Variants in CSMD1 observed in about 807,000 individuals in gnomAD.
CSMD1 encodes the protein CUB and sushi domain-containing protein 1.
CSMD1 carries 213 observed loss-of-function variants against 417.5 expected under a neutral mutation model. The ratio of observed to expected loss-of-function variants is 0.51; its 90% CI spans 0.46 to 0.57. The LOEUF (loss-of-function observed/expected upper bound fraction) is 0.57. Ranked by LOEUF, CSMD1 falls within the 20% of genes least tolerant of loss-of-function variation. The probability of loss-of-function intolerance (pLI) is 0.00; values close to 1 mark genes in which losing one functional copy is unlikely to be tolerated. For synonymous variants in CSMD1, 2,862 were observed against 1,736.8 expected, an observed-to-expected ratio of 1.65 and a Z score of -16.11; for missense variants, 6,923 against 4,529.7, an observed-to-expected ratio of 1.53 and a Z score of -15.17.
At chr8:4,838,819 G>A (rs1800663667) in intron 1 of CSMD1, among the ~76,000 whole-genome samples, 1 of 152,120 alleles carries the variant, frequency 6.6e-6, no homozygotes, top group African/African-American at 2.4e-5. Context: ...CAAACCAAGT[G>A]CTTCCATGTG....
chr8:3,068,093 C>T (rs1327671064), intron 49 of CSMD1, among the ~76,000 whole-genome samples: 1 of 152,128 alleles, frequency 6.6e-6, no homozygotes, highest in Non-Finnish European at 1.5e-5. Context: ...CTGCATGTGT[C>T]ACTAATGCCT....
intron 7 of CSMD1, among the ~76,000 whole-genome samples, chr8:3,645,605 A>G (rs77338817): frequency 0.11 from 16,238 of 152,256 alleles, 1,162 homozygotes; most frequent in Non-Finnish European, 0.16. Flanking sequence ...AGCCTTCTGC[A>G]AGGGATCATG....
chr8:3,702,493 CAGA>C (rs761041681), intron 7 of CSMD1, among the ~76,000 whole-genome samples: 97 of 152,216 alleles, frequency 6.4e-4, no homozygotes, highest in Non-Finnish European at 9.9e-4. Flanking sequence ...GAAGAATGCT[CAGA>C]AGAAGAAGAA....
chr8:3,100,614 GC>G (rs1209878131), intron 46 of CSMD1, among the ~76,000 whole-genome samples: 8 of 152,058 alleles, frequency 5.3e-5, no homozygotes, highest in Non-Finnish European at 1.0e-4. Context: ...GTGAAAGCTT[GC>G]CTCTCTCAGA....
Position 4,276,497 on chromosome 8 carries a change from C to T in CSMD1, c.415+143456G>A, listed in dbSNP as rs112564592. Among the ~76,000 whole-genome samples the T allele has an allele frequency of 4.4e-3, 664 of 152,158 alleles. 3 individuals carry two copies. Among genetic ancestry groups the T allele is most frequent in the African/African-American group, 0.015 (611 of 41,510 alleles). ...CAGGAGAAATACCTAATACAGATGA[C>T]GGGTTAGTGGGTGCAGCAAACCACC... On this transcript the variant is annotated intron_variant, in intron 3 of 69. Transcript: ENST00000635120.
rs535016725 is a variant in CSMD1 at position 3,852,751 on chromosome 8, C to T, written c.819-98709G>A. 2.5e-3 allele frequency among the ~76,000 whole-genome samples: 377 copies of T among 152,112 alleles called. 3 individuals are homozygous for T. The highest frequency in any genetic ancestry group is 2.9e-3 in the Non-Finnish European group (197 of 67,990). On this transcript the variant is annotated intron_variant, in intron 5 of 69. Transcript: ENST00000635120. ...GGGTCAGGTAAGCGTCTGCATCTCCCGCTGCACAGGTTTGTAGGATCCATT... is the reference window on the plus strand; with the variant it reads ...GGGTCAGGTAAGCGTCTGCATCTCCTGCTGCACAGGTTTGTAGGATCCATT...
At chr8:3,292,290 G>T (rs898878120) in intron 25 of CSMD1, among the ~76,000 whole-genome samples, 6 of 152,154 alleles carry the variant, frequency 3.9e-5, no homozygotes, top group Non-Finnish European at 5.9e-5. Context: ...GTGCTGAAAA[G>T]AATGTATATT....
intron 7 of CSMD1, among the ~76,000 whole-genome samples, chr8:3,686,221 C>A (rs558731451): frequency 3.1e-4 from 47 of 152,280 alleles, no homozygotes; most frequent in Non-Finnish European, 5.7e-4. Context: ...GGGTCACCCC[C>A]TTGAGTTACT....
In CSMD1 at chr8:4,764,872, C is replaced by CAA. The variant is rs1194894751; in HGVS notation, c.86-127316_86-127315dup. Among the ~76,000 whole-genome samples, 277 of 50,588 alleles carry CAA rather than the reference C, an allele frequency of 5.5e-3. 2 individuals carry two copies. The highest frequency in any genetic ancestry group is 7.7e-3 in the African/African-American group (93 of 12,134). The allele number at this position is 50,588 out of a possible 152,430, so 33.2% of individuals were successfully genotyped here. Reference sequence around the variant, plus strand: ...TGGGCGACAGAGCGAGACTCCATCTCAAAAAAAAAAAAAAAAAAAAAACAA... The same window carrying CAA: ...TGGGCGACAGAGCGAGACTCCATCTCAAAAAAAAAAAAAAAAAAAAAAAACAA... On this transcript the variant is annotated intron_variant, in intron 1 of 69. Coordinates refer to ENST00000635120, the MANE Select transcript of CSMD1 (RefSeq NM_033225.6).
chr8:3,384,908 CT>C (rs1810894590), intron 18 of CSMD1, among the ~76,000 whole-genome samples: 1 of 117,742 alleles, frequency 8.5e-6, no homozygotes, highest in African/African-American at 3.4e-5. Flanking sequence ...ATTATATATG[CT>C]TATATATTAC....
At chr8:4,019,989 C>G (rs1355875439) in intron 4 of CSMD1, among the ~76,000 whole-genome samples, 1 of 150,488 alleles carries the variant, frequency 6.6e-6, no homozygotes, top group Non-Finnish European at 1.5e-5. Flanking sequence ...AATTTCTTTT[C>G]AAACTGTTTG....
At chr8:4,128,332 G>C in intron 3 of CSMD1, among the ~76,000 whole-genome samples, 1 of 151,824 alleles carries the variant, frequency 6.6e-6, no homozygotes, top group Non-Finnish European at 1.5e-5. Context: ...TTTTAATGAG[G>C]AGACAAGAAC....
intron 1 of CSMD1, among the ~76,000 whole-genome samples, chr8:4,982,870 G>A (rs1445292131): frequency 1.3e-5 from 2 of 152,160 alleles, no homozygotes; most frequent in African/African-American, 4.8e-5. Context: ...AAGAATGCAG[G>A]AAAGGTAATT....
chr8:4,468,189 G>T (rs1214199440), intron 2 of CSMD1, among the ~76,000 whole-genome samples: 1 of 152,098 alleles, frequency 6.6e-6, no homozygotes, highest in Non-Finnish European at 1.5e-5. Context: ...GTCACGCTGT[G>T]TAAGTTGAGA....
chr8:4,827,334 G>C (rs1488880987), intron 1 of CSMD1, among the ~76,000 whole-genome samples: 2 of 152,016 alleles, frequency 1.3e-5, no homozygotes, highest in African/African-American at 4.8e-5. Flanking sequence ...TTAACCCTAA[G>C]GCTAGAAGAG....
At chr8:4,028,577 T>C (rs1563336230) in intron 4 of CSMD1, among the ~76,000 whole-genome samples, 3 of 152,186 alleles carry the variant, frequency 2.0e-5, no homozygotes, top group Non-Finnish European at 2.9e-5. Flanking sequence ...GGAAATAATA[T>C]AATGTTACAT....
chr8:4,345,879 A>G (rs1278460732), intron 3 of CSMD1, among the ~76,000 whole-genome samples: 1 of 152,140 alleles, frequency 6.6e-6, no homozygotes, highest in Non-Finnish European at 1.5e-5. Context: ...TGACAGGCAG[A>G]CAGGTGATGA....
At chr8:3,839,947 A>G (rs944368605) in intron 5 of CSMD1, among the ~76,000 whole-genome samples, 1 of 152,034 alleles carries the variant, frequency 6.6e-6, no homozygotes, top group Admixed American at 6.6e-5. Context: ...TCTGCTCTGG[A>G]TATTTGGAGA....
intron 7 of CSMD1, among the ~76,000 whole-genome samples, chr8:3,649,251 A>G (rs2117370114): frequency 6.6e-6 from 1 of 152,332 alleles, no homozygotes; most frequent in South Asian, 2.1e-4. Flanking sequence ...CTGTAACATA[A>G]AACCAACCTG....
Sources: allele counts gnomAD v4.1 joint callset (sites outside exome capture counted in the v4.1 genomes callset), GRCh38; gene constraint gnomAD v4.1.1; transcripts MANE v1.5; gene names NCBI Gene and HGNC (gene_info 2026-07-23, HGNC 2026-07-21).